EFCAB11: variants seen among roughly 807,000 people sequenced by gnomAD.
EFCAB11 encodes the protein EF-hand calcium-binding domain-containing protein 11.
In EFCAB11, 14 loss-of-function variants were observed where a neutral mutation model predicts 23.0. The observed-to-expected ratio is 0.61, with a 90% CI of 0.40 to 0.95. The LOEUF is 0.95. Ranked by LOEUF, EFCAB11 falls within the 40% of genes least tolerant of loss-of-function variation. The pLI is 0.00. For synonymous variants in EFCAB11, 65 were observed against 66.6 expected, an observed-to-expected ratio of 0.98 and a Z score of 0.11; for missense variants, 198 against 195.8, an observed-to-expected ratio of 1.01 and a Z score of -0.07.
intron 5 of EFCAB11, among the ~76,000 whole-genome samples, chr14:89,927,907 T>C (rs1026048909): frequency 3.3e-5 from 5 of 152,152 alleles, no homozygotes; most frequent in African/African-American, 7.2e-5. Context: ...CTTTTTAGTA[T>C]AGATGGAGTT....
intron 3 of EFCAB11, among the ~76,000 whole-genome samples, chr14:89,948,519 G>C (rs753510040): frequency 6.6e-6 from 1 of 152,212 alleles, no homozygotes; most frequent in Non-Finnish European, 1.5e-5. Flanking sequence ...ACATATGGAA[G>C]ATATCTGCAT....
chr14:89,884,045 T>A (rs1422099526), intron 5 of EFCAB11, among the ~76,000 whole-genome samples: 2 of 152,170 alleles, frequency 1.3e-5, no homozygotes, highest in East Asian at 3.8e-4. Context: ...GAAGATTGCT[T>A]GAGCCCAGGA....
chr14:89,801,942 T>C (rs1885794701), intron 5 of EFCAB11, among the ~76,000 whole-genome samples: 1 of 151,198 alleles, frequency 6.6e-6, no homozygotes, highest in Non-Finnish European at 1.5e-5. Flanking sequence ...TGCAGTGAGC[T>C]GAGATCGCAC....
intron 5 of EFCAB11, among the ~76,000 whole-genome samples, chr14:89,911,614 C>A (rs10144732): frequency 0.13 from 19,514 of 152,220 alleles, 3,473 homozygotes; most frequent in African/African-American, 0.4. Flanking sequence ...TACTTCTCAG[C>A]CACCATCCTA....
chr14:89,857,215 T>A (rs888857026), intron 5 of EFCAB11, among the ~76,000 whole-genome samples: 3 of 152,188 alleles, frequency 2.0e-5, no homozygotes, highest in African/African-American at 7.2e-5. Context: ...CAACCACAAA[T>A]AATAAAAATC....
intron 5 of EFCAB11, among the ~76,000 whole-genome samples, chr14:89,872,084 T>C (rs1888290090): frequency 6.6e-6 from 1 of 152,138 alleles, no homozygotes; most frequent in South Asian, 2.1e-4. Flanking sequence ...TTTAAGAAAG[T>C]TTCAGGGGCT....
At chr14:89,854,583 C>G (rs1887694279) in intron 5 of EFCAB11, among the ~76,000 whole-genome samples, 1 of 152,170 alleles carries the variant, frequency 6.6e-6, no homozygotes, top group Non-Finnish European at 1.5e-5. Flanking sequence ...CAGACAGTTG[C>G]TCTTTCACGG....
chr14:89,880,768 T>G (rs1023064862), intron 5 of EFCAB11, among the ~76,000 whole-genome samples: 1 of 152,206 alleles, frequency 6.6e-6, no homozygotes, highest in Non-Finnish European at 1.5e-5. Flanking sequence ...TTGGTACTTA[T>G]CTTGGTTATT....
In EFCAB11 at chr14:89,837,038, G is replaced by T. The variant is rs114827258; in HGVS notation, c.411-39714C>A. 9.9e-3 allele frequency: 4,521 copies of T among 456,330 alleles called. 93 individuals carry two copies. The highest frequency in any genetic ancestry group is 0.058 in the African/African-American group (2,921 of 50,098). 28.3% of individuals were successfully genotyped at this position (456,330 alleles called of 1,614,324 possible). On this transcript the variant is annotated intron_variant, in intron 5 of 5. Transcript: ENST00000316738. ...CACTTGCCTGAGAATCTGCACAGGT[G>T]AGGGGTGTGCCTGAATGATGGAGTC...
intron 5 of EFCAB11, among the ~76,000 whole-genome samples, chr14:89,866,332 A>G (rs1034618201): frequency 6.6e-6 from 1 of 152,182 alleles, no homozygotes; most frequent in Admixed American, 6.5e-5. Context: ...AGCCCCAATT[A>G]AACGCATGGC....
At chr14:89,942,774 T>C (rs1890836326) in intron 3 of EFCAB11, among the ~76,000 whole-genome samples, 1 of 152,240 alleles carries the variant, frequency 6.6e-6, no homozygotes, top group African/African-American at 2.4e-5. Context: ...TCACCCTGGC[T>C]GCCCTCAAAT....
chr14:89,801,133 CAA>C (rs1297702291), intron 5 of EFCAB11, among the ~76,000 whole-genome samples: 2 of 151,462 alleles, frequency 1.3e-5, no homozygotes, highest in Non-Finnish European at 2.9e-5. Context: ...CAAGCCAAGA[CAA>C]GAGAGGGTAC....
intron 5 of EFCAB11, among the ~76,000 whole-genome samples, chr14:89,904,720 C>T (rs866363377): frequency 2.0e-5 from 3 of 152,142 alleles, no homozygotes; most frequent in Non-Finnish European, 2.9e-5. Flanking sequence ...ATTTCTCTGA[C>T]GACCAGTGAT....
Position 89,811,783 on chromosome 14 carries a change from T to C in EFCAB11, c.411-14459A>G, listed in dbSNP as rs530591297. 9.4e-4 allele frequency among the ~76,000 whole-genome samples: 143 copies of C among 152,312 alleles called. No individual in the cohort carries two copies. In the Middle Eastern group the frequency reaches 0.01, roughly 11 times the overall value. On this transcript the variant is annotated intron_variant, in intron 5 of 5. Transcript: ENST00000316738. ...GCCCAATGATGGCCATTTTGGATTT[T>C]GGCCTCCAGAAATGTAAGATGATAA...
At chr14:89,822,561 G>T (rs1205697426) in intron 5 of EFCAB11, among the ~76,000 whole-genome samples, 2 of 152,208 alleles carry the variant, frequency 1.3e-5, no homozygotes, top group Admixed American at 1.3e-4. Flanking sequence ...GAGTACAAGA[G>T]AAGGAGCTGT....
At chr14:89,923,973 A>G (rs1890104346) in intron 5 of EFCAB11, 1 of 980,270 alleles carries the variant, frequency 1.0e-6, no homozygotes, top group Non-Finnish European at 1.2e-6. Flanking sequence ...AGACTCTTCC[A>G]ATCAGCATAA....
At chr14:89,921,978 C>T (rs926700986) in intron 5 of EFCAB11, among the ~76,000 whole-genome samples, 1 of 152,062 alleles carries the variant, frequency 6.6e-6, no homozygotes, top group African/African-American at 2.4e-5. Context: ...GAAATTGATT[C>T]CTTTTTCTAT....
intron 5 of EFCAB11, among the ~76,000 whole-genome samples, chr14:89,816,577 T>C (rs1045896971): frequency 1.3e-5 from 2 of 152,206 alleles, no homozygotes; most frequent in Non-Finnish European, 2.9e-5. Context: ...TCCTAATCTT[T>C]AACTTCTGAA....
At chr14:89,943,950 G>T (rs1890880059) in intron 3 of EFCAB11, among the ~76,000 whole-genome samples, 1 of 152,020 alleles carries the variant, frequency 6.6e-6, no homozygotes, top group South Asian at 2.1e-4. Flanking sequence ...AACTAGTTAA[G>T]GAAAGAAAAC....
Sources: gnomAD v4.1 joint callset for allele counts (sites outside exome capture counted in the v4.1 genomes callset) on GRCh38, gnomAD v4.1.1 for gene constraint, MANE v1.5 for transcripts, NCBI Gene and HGNC (gene_info 2026-07-23, HGNC 2026-07-21) for gene names.